THRAP3: variants seen among roughly 807,000 people sequenced by gnomAD.
THRAP3 encodes the protein thyroid hormone receptor-associated protein 3.
Under a neutral mutation model 101.0 loss-of-function variants are expected in THRAP3, and 16 were observed. The observed-to-expected ratio is 0.16, with a 90% confidence interval of 0.11 to 0.24. The LOEUF is 0.24. THRAP3 is among the 10% of genes least tolerant of loss of function. THRAP3 has a pLI of 1.00. For missense variants in THRAP3, 989 were observed against 1,202.7 expected, an observed-to-expected ratio of 0.82 and a Z score of 2.63; for synonymous variants, 407 against 422.6, an observed-to-expected ratio of 0.96 and a Z score of 0.45.
In THRAP3 at chr1:36,282,611, A is replaced by G; in HGVS notation, c.48A>G (p.Ser16=). 6.2e-7 allele frequency: 1 copy of G among 1,614,116 alleles called. No individual in the cohort carries two copies. Among genetic ancestry groups the G allele is most frequent in the South Asian group, 1.1e-5 (1 of 91,078 alleles). The change falls in exon 3 of 12, where the codon TCA becomes TCG. Residue 16 remains serine, a synonymous_variant. Coordinates refer to ENST00000354618, the MANE Select transcript of THRAP3 (RefSeq NM_005119.4). ...KSKSGSRSSR[S]RSASRSRSRS... ...AGTCTGGATCTCGCTCTTCTCGCTCAAGATCTGCATCAAGATCTCGTTCTC... is the reference window on the plus strand; with the variant it reads ...AGTCTGGATCTCGCTCTTCTCGCTCGAGATCTGCATCAAGATCTCGTTCTC...
chr1:36,216,041 G>A, the THRAP3 span, among the ~76,000 whole-genome samples: 5 of 151,960 alleles, frequency 3.3e-5, no homozygotes, highest in African/African-American at 1.2e-4. Flanking sequence ...AAGCCACAGC[G>A]CCCAGCCAAT....
At chr1:36,233,049 A>G (rs913189433) in intron 1 of THRAP3, among the ~76,000 whole-genome samples, 1 of 151,398 alleles carries the variant, frequency 6.6e-6, no homozygotes, top group African/African-American at 2.4e-5. Flanking sequence ...TTGTGTTTTT[A>G]GTAGGGACAG....
chr1:36,238,367 C>T (rs1028479851), intron 1 of THRAP3, among the ~76,000 whole-genome samples: 4 of 152,130 alleles, frequency 2.6e-5, no homozygotes, highest in African/African-American at 9.7e-5. Context: ...CCTATGAGTG[C>T]TAGGCATTTA....
intron 2 of THRAP3, among the ~76,000 whole-genome samples, chr1:36,270,610 T>G (rs886786010): frequency 2.0e-5 from 3 of 148,300 alleles, no homozygotes; most frequent in African/African-American, 7.5e-5. Flanking sequence ...GGAGTTTCGC[T>G]CTTGTTGCCC....
chr1:36,244,853 G>A (rs1182328834), intron 1 of THRAP3, among the ~76,000 whole-genome samples: 1 of 152,016 alleles, frequency 6.6e-6, no homozygotes, highest in African/African-American at 2.4e-5. Context: ...GAGTAGCTGG[G>A]ATTACAGGCA....
intron 1 of THRAP3, among the ~76,000 whole-genome samples, chr1:36,235,531 C>T (rs574715658): frequency 6.9e-4 from 105 of 152,212 alleles, no homozygotes; most frequent in African/African-American, 2.4e-3. Context: ...TGACAAGTCT[C>T]ATATGAAAAC....
chr1:36,237,928 C>T (rs1645110718), intron 1 of THRAP3, among the ~76,000 whole-genome samples: 1 of 152,166 alleles, frequency 6.6e-6, no homozygotes, highest in African/African-American at 2.4e-5. Flanking sequence ...CTTAAGTGAT[C>T]TTCCTACATC....
chr1:36,278,622 T>A (rs1375303801), intron 2 of THRAP3, among the ~76,000 whole-genome samples: 2 of 152,168 alleles, frequency 1.3e-5, no homozygotes, highest in Non-Finnish European at 2.9e-5. Context: ...TTCAAAAGGC[T>A]GTTTGAAATT....
chr1:36,304,910 T>A lies in THRAP3; in HGVS notation c.*893T>A, dbSNP rs1318415492. The A allele has an allele frequency of 2.9e-5, 6 of 206,850 alleles. No individual in the cohort carries two copies. Among genetic ancestry groups the A allele is most frequent in the Non-Finnish European group, 4.9e-5 (5 of 101,188 alleles). The allele number at this position is 206,850 out of a possible 1,614,324, so 12.8% of individuals were successfully genotyped here. On this transcript the variant is annotated 3_prime_UTR_variant, in exon 12 of 12. Transcript: ENST00000354618. ...AAATATGAGAAAATTTTTTCAATAT[T>A]TTTTATTAATCTTTTTATAAAATGA... is the stretch of plus-strand genomic sequence containing the variant.
the THRAP3 span, among the ~76,000 whole-genome samples, chr1:36,218,783 C>T: frequency 2.6e-5 from 4 of 151,050 alleles, no homozygotes; most frequent in African/African-American, 9.7e-5. Context: ...GTCTGTAATC[C>T]CAGCATTTCG....
At chr1:36,230,514 C>T (rs1211945952) in intron 1 of THRAP3, among the ~76,000 whole-genome samples, 3 of 152,022 alleles carry the variant, frequency 2.0e-5, no homozygotes, top group Non-Finnish European at 4.4e-5. Context: ...CCACCTGCCT[C>T]GTCCTCCCAA....
chr1:36,284,938 T>A (rs551584417), intron 3 of THRAP3, among the ~76,000 whole-genome samples: 2 of 152,346 alleles, frequency 1.3e-5, no homozygotes, highest in Middle Eastern at 3.4e-3. Context: ...AGTTTTTTTT[T>A]AATTGTACTT....
intron 9 of THRAP3, among the ~76,000 whole-genome samples, chr1:36,298,441 C>G (rs554997028): frequency 6.6e-6 from 1 of 152,162 alleles, no homozygotes; most frequent in South Asian, 2.1e-4. Context: ...CTCTGACTTG[C>G]GATGTGACTT....
rs777278470 is a variant in THRAP3 at position 36,289,536 on chromosome 1, A to G, written c.1517A>G (p.Lys506Arg). 6.2e-7 allele frequency: 1 copy of G among 1,614,084 alleles called. No individual in the cohort carries two copies. Among genetic ancestry groups the G allele is most frequent in the Non-Finnish European group, 8.5e-7 (1 of 1,180,006 alleles). Residue 506 changes from lysine (K) to arginine (R), a missense_variant, in exon 5 of 12, where the codon AAG (lysine) becomes AGG (arginine). Coordinates refer to ENST00000354618, the MANE Select transcript of THRAP3 (RefSeq NM_005119.4). ...PERSKKEDRG[K>R]RSEGGHRGFV... The stretch of plus-strand genomic sequence containing the variant: ...AGATCCAAAAAGGAAGATCGGGGCA[A>G]GAGAAGCGAAGGTGGGCACAGGGGC...
At chr1:36,216,258 G>T in the THRAP3 span, among the ~76,000 whole-genome samples, 2 of 151,802 alleles carry the variant, frequency 1.3e-5, no homozygotes, top group Admixed American at 6.6e-5. Context: ...TGTAGCTCAC[G>T]CCTGTAATCC....
intron 2 of THRAP3, among the ~76,000 whole-genome samples, chr1:36,269,693 C>T (rs771237293): frequency 3.1e-4 from 47 of 152,124 alleles, no homozygotes; most frequent in Non-Finnish European, 5.3e-4. Flanking sequence ...ACCTCAGCCT[C>T]CCAAGTAGCT....
intron 2 of THRAP3, among the ~76,000 whole-genome samples, chr1:36,272,567 C>A (rs1207801704): frequency 6.6e-6 from 1 of 152,202 alleles, no homozygotes; most frequent in African/African-American, 2.4e-5. Flanking sequence ...GCTCAGCTTT[C>A]CTCCCATAAC....
upstream of THRAP3, among the ~76,000 whole-genome samples, chr1:36,222,331 C>G (rs1172387879): frequency 2.0e-5 from 3 of 152,196 alleles, no homozygotes; most frequent in African/African-American, 4.8e-5. Flanking sequence ...TTGGACTAAC[C>G]TTACTGCAAT....
intron 2 of THRAP3, among the ~76,000 whole-genome samples, chr1:36,270,577 G>GTTTTTTTTTTTTTT (rs869142351): frequency 1.2e-4 from 4 of 34,656 alleles, no homozygotes; most frequent in East Asian, 9.1e-3. Context: ...TTAGGTTTTT[G>GTTTTTTTTTTTTTT]TTTTTTTTTT....
Sources: allele counts gnomAD v4.1 joint callset (sites outside exome capture counted in the v4.1 genomes callset), GRCh38; gene constraint gnomAD v4.1.1; transcripts MANE v1.5; gene names NCBI Gene and HGNC (gene_info 2026-07-23, HGNC 2026-07-21).